Variants in GPBP1 observed in about 807,000 individuals in gnomAD.
GPBP1 encodes the protein vasculin.
GPBP1 carries 13 observed loss-of-function variants against 56.5 expected under a neutral mutation model. That is an observed-to-expected ratio of 0.23 (90% confidence interval 0.15 to 0.37). The LOEUF is 0.37. GPBP1 is among the 10% of genes least tolerant of loss of function. GPBP1 has a pLI of 1.00. For missense variants in GPBP1, 477 were observed against 572.3 expected, an observed-to-expected ratio of 0.83 and a Z score of 1.70; for synonymous variants, 204 against 188.9, an observed-to-expected ratio of 1.08 and a Z score of -0.66.
chr5:57,199,073 G>C (rs768618323), intron 2 of GPBP1, among the ~76,000 whole-genome samples: 1 of 152,160 alleles, frequency 6.6e-6, no homozygotes, highest in Non-Finnish European at 1.5e-5. Flanking sequence ...CAAAATCGAA[G>C]TACATTTACA....
At position 57,236,034 on chromosome 5, in the gene GPBP1, T is replaced by C; in HGVS notation, c.478+2T>C. ...AGTCTTTAGCTGCAGGTGTGTGGGGTAAGTAATTTTTTATCTATATTTGAG... is the reference window on the plus strand; with the variant it reads ...AGTCTTTAGCTGCAGGTGTGTGGGGCAAGTAATTTTTTATCTATATTTGAG... On this transcript the variant is annotated splice_donor_variant, in intron 6 of 11. Transcript: ENST00000506184. LOFTEE classifies it high-confidence loss of function. 6.3e-7 allele frequency: 1 copy of C among 1,594,344 alleles called. No homozygotes were observed. The highest frequency in any genetic ancestry group is 8.6e-7 in the Non-Finnish European group (1 of 1,163,094).
chr5:57,248,481 G>A (rs1259257473), intron 8 of GPBP1, among the ~76,000 whole-genome samples: 3 of 142,738 alleles, frequency 2.1e-5, no homozygotes, highest in African/African-American at 8.0e-5. Flanking sequence ...AGGCTGGAGT[G>A]CAGTGGCGGG....
intron 2 of GPBP1, among the ~76,000 whole-genome samples, chr5:57,204,081 GTCTGTAGA>G (rs1755128956): frequency 6.6e-6 from 1 of 152,142 alleles, no homozygotes; most frequent in Non-Finnish European, 1.5e-5. Context: ...AACAAGGGAA[GTCTGTAGA>G]TCACTTAGCA....
rs140574204 is a variant in GPBP1, at chr5:57,201,169, A to G, written c.-57-12905A>G. Among the ~76,000 whole-genome samples the G allele has an allele frequency of 1.4e-3, 218 of 152,114 alleles. 1 individual carries two copies. The highest frequency in any genetic ancestry group is 2.0e-3 in the Admixed American group (31 of 15,266). The stretch of plus-strand genomic sequence containing the variant: ...AGTTAAATTCTGTATCGTATGAGGT[A>G]ATTGTTAGGTATTTCTCTCTTTTTT... On this transcript the variant is annotated intron_variant, in intron 2 of 11. Transcript: ENST00000506184.
rs187145229 is a variant in GPBP1 at position 57,220,551 on chromosome 5, C to G, written c.63+6358C>G. On this transcript the variant is annotated intron_variant, in intron 3 of 11. Transcript: ENST00000506184. ...CTCTGCTCACTGTAACCTCTGCCCC[C>G]CAGGTTCAAACGATTCTCCTGCCTC... Among the ~76,000 whole-genome samples the G allele has an allele frequency of 3.8e-4, 58 of 151,920 alleles. No individual in the cohort carries two copies. In the East Asian group the frequency reaches 9.7e-3, roughly 25 times the overall value.
At chr5:57,193,298 A>G (rs989916704) in intron 2 of GPBP1, among the ~76,000 whole-genome samples, 1 of 152,018 alleles carries the variant, frequency 6.6e-6, no homozygotes, top group Admixed American at 6.6e-5. Flanking sequence ...CCTGGGTGAC[A>G]AGAGTGAAAC....
chr5:57,174,412 T>G (rs1405768923), intron 1 of GPBP1, among the ~76,000 whole-genome samples: 2 of 138,076 alleles, frequency 1.4e-5, no homozygotes, highest in Admixed American at 7.4e-5. Context: ...TCGGCCCGGG[T>G]GGAGCGGAGG....
At chr5:57,248,477 G>GA (rs1741204572) in intron 8 of GPBP1, among the ~76,000 whole-genome samples, 1 of 143,602 alleles carries the variant, frequency 7.0e-6, no homozygotes, top group Admixed American at 7.3e-5. Flanking sequence ...GCCCAGGCTG[G>GA]AGTGCAGTGG....
At chr5:57,226,553 CTTTTTTTTTTTTTTTT>C (rs34180383) in intron 3 of GPBP1, among the ~76,000 whole-genome samples, 8 of 62,128 alleles carry the variant, frequency 1.3e-4, no homozygotes, top group African/African-American at 5.2e-4. Flanking sequence ...AGCATTTTTG[CTTTTTTTTTTTTTTTT>C]TTTTTTTTGA....
intron 9 of GPBP1, among the ~76,000 whole-genome samples, 175 bp downstream of exon 9, chr5:57,249,751 C>G (rs970291861): frequency 8.0e-6 from 1 of 125,390 alleles, no homozygotes; most frequent in Non-Finnish European, 1.7e-5. Context: ...TCGCCTCCCC[C>G]CTTCCCCCTC....
chr5:57,175,316 G>T (rs1250835137), intron 1 of GPBP1, 132 bp from the exon 2 acceptor site: 4 of 382,592 alleles, frequency 1.0e-5, no homozygotes, highest in Non-Finnish European at 1.4e-5. Flanking sequence ...GGGTAAAGAA[G>T]CCCTTTTCCA....
chr5:57,207,160 A>G (rs1056477767), intron 2 of GPBP1, among the ~76,000 whole-genome samples: 1 of 152,158 alleles, frequency 6.6e-6, no homozygotes, highest in Non-Finnish European at 1.5e-5. Context: ...AGATCTACAA[A>G]TGGCCAGCTC....
intron 10 of GPBP1, among the ~76,000 whole-genome samples, chr5:57,255,195 T>A (rs550898749): frequency 8.3e-6 from 1 of 120,720 alleles, no homozygotes; most frequent in African/African-American, 3.2e-5. Context: ...CTCTCTCTCT[T>A]CTCTCCCCTT....
chr5:57,226,419 CTCTG>C (rs1181251315), intron 3 of GPBP1, among the ~76,000 whole-genome samples: 2 of 152,052 alleles, frequency 1.3e-5, no homozygotes, highest in African/African-American at 4.8e-5. Flanking sequence ...TTGTTCTAGT[CTCTG>C]TCAGGAAGAT....
chr5:57,204,205 C>T (rs550106643), intron 2 of GPBP1, among the ~76,000 whole-genome samples: 82 of 152,000 alleles, frequency 5.4e-4, no homozygotes, highest in Non-Finnish European at 1.0e-3. Context: ...AAGTTAAACA[C>T]GTAACTCAAA....
chr5:57,187,003 A>AGTGTGTGTGTGTGTGT (rs66642664), intron 2 of GPBP1, among the ~76,000 whole-genome samples: 20 of 146,672 alleles, frequency 1.4e-4, no homozygotes, highest in Admixed American at 1.2e-3. Context: ...GACTCAGAGA[A>AGTGTGTGTGTGTGTGT]GTGTGTGTGT....
rs1755948792 is a variant in GPBP1 at position 57,221,316 on chromosome 5, A to AC, written c.63+7123_63+7124insC. 3 of 1,181,774 alleles carry AC rather than the reference A, an allele frequency of 2.5e-6. No individual in the cohort carries two copies. The East Asian group carries it at 1.4e-4, about 56-fold the overall frequency. 73.2% of individuals were successfully genotyped at this position (1,181,774 alleles called of 1,614,324 possible). ...CTAGTTTTTTCTTTTGTGATTTTCT[A>AC]GTTTTTTTAAATTCCATTAAATAAT... On this transcript the variant is annotated intron_variant, in intron 3 of 11. Coordinates refer to ENST00000506184, the MANE Select transcript of GPBP1 (RefSeq NM_022913.4).
chr5:57,255,463 A>G (rs1407300803), intron 10 of GPBP1, among the ~76,000 whole-genome samples: 1 of 152,270 alleles, frequency 6.6e-6, no homozygotes, highest in East Asian at 1.9e-4. Context: ...TCATTGAAAT[A>G]TTTCTAGTCA....
rs369657512 is a variant in GPBP1, at chr5:57,180,210, G to C, written c.-58+3810G>C. Among the ~76,000 whole-genome samples the C allele has an allele frequency of 6.6e-5, 10 of 152,184 alleles. No individual in the cohort carries two copies. The East Asian group carries it at 1.2e-3, about 18-fold the overall frequency. ...GCTCACTGTGACATCCGCATCCCGG[G>C]TTCAAGTGATTCTTATGCCTCAGCC... On this transcript the variant is annotated intron_variant, in intron 2 of 11. Coordinates refer to ENST00000506184, the MANE Select transcript of GPBP1 (RefSeq NM_022913.4).
Sources: allele counts gnomAD v4.1 joint callset (sites outside exome capture counted in the v4.1 genomes callset), GRCh38; gene constraint gnomAD v4.1.1; transcripts MANE v1.5; gene names NCBI Gene and HGNC (gene_info 2026-07-23, HGNC 2026-07-21).